The following POLRMT variants were observed in gnomAD, a reference collection of about 807,000 sequenced individuals.
POLRMT encodes the protein DNA-directed RNA polymerase, mitochondrial.
A neutral mutation model predicts 132.2 loss-of-function variants in POLRMT; 114 were observed. The observed-to-expected ratio is 0.86, with a 90% CI of 0.74 to 1.01. The LOEUF is 1.01. Among genes scored for constraint, POLRMT ranks in the 50% least tolerant of loss-of-function variants. The probability of loss-of-function intolerance (pLI) is 0.00; values close to 1 mark genes in which losing one functional copy is unlikely to be tolerated. For missense variants in POLRMT, 2,003 were observed against 1,729.1 expected, an observed-to-expected ratio of 1.16 and a Z score of -2.81; for synonymous variants, 1,020 against 773.4, an observed-to-expected ratio of 1.32 and a Z score of -5.29.
intron 2 of POLRMT, among the ~76,000 whole-genome samples, chr19:631,707 G>A (rs1305490909): frequency 5.9e-5 from 9 of 152,158 alleles, no homozygotes; most frequent in Middle Eastern, 3.2e-3. Context: ...CAAAACTCAG[G>A]AGATACTTTT....
chr19:618,868 G>C (rs1392643967), intron 15 of POLRMT, 108 bp from the exon 16 acceptor site: 1 of 1,395,474 alleles, frequency 7.2e-7, no homozygotes, highest in African/African-American at 1.4e-5. Context: ...GTGGCACACT[G>C]GCGCGGGATG....
chr19:620,498 A>T lies in POLRMT; in HGVS notation c.2641-11T>A. Reference sequence around the variant, plus strand: ...CCACCACTTTCGGCCCTGCGGGGACAGCGGATGGGGGGCAGTGAGGCCCGG... The same window carrying T: ...CCACCACTTTCGGCCCTGCGGGGACTGCGGATGGGGGGCAGTGAGGCCCGG... On this transcript the variant is annotated splice_polypyrimidine_tract_variant and intron_variant, in intron 10 of 20. Transcript: ENST00000588649. 1 of 1,566,200 alleles carries T rather than the reference A, an allele frequency of 6.4e-7. No homozygotes were observed. The highest frequency in any genetic ancestry group is 1.7e-4 in the Middle Eastern group (1 of 5,872).
chr19:618,632 T>C, intron 16 of POLRMT, 46 bp from the exon 17 acceptor site: 1 of 1,598,456 alleles, frequency 6.3e-7, no homozygotes, highest in Middle Eastern at 1.7e-4. Flanking sequence ...GGGACACCCC[T>C]AACTGGCCGC....
chr19:623,517 G>A lies in POLRMT; in HGVS notation c.1227C>T (p.Ala409=), dbSNP rs761226464. The change falls in exon 6 of 21, where the codon GCC becomes GCT. Residue 409 remains alanine, a synonymous_variant. Coordinates refer to ENST00000588649, the MANE Select transcript of POLRMT (RefSeq NM_005035.4). ...LFEKQLHMEL[A]SRVCVVSVEK... ...CCACGGACACCACGCACACCCTGCT[G>A]GCCAGCTCCATGTGGAGCTGCTTCT... 5.0e-6 allele frequency: 8 copies of A among 1,613,360 alleles called. No homozygotes were observed. Among genetic ancestry groups the A allele is most frequent in the East Asian group, 4.5e-5 (2 of 44,876 alleles).
chr19:617,660 G>A lies in POLRMT; in HGVS notation c.3496-5C>T. The A allele has an allele frequency of 1.9e-6, 3 of 1,612,506 alleles. No individual in the cohort carries two copies. Among genetic ancestry groups the A allele is most frequent in the Non-Finnish European group, 2.5e-6 (3 of 1,179,966 alleles). On this transcript the variant is annotated splice_region_variant and splice_polypyrimidine_tract_variant and intron_variant, in intron 18 of 20. Coordinates refer to ENST00000588649, the MANE Select transcript of POLRMT (RefSeq NM_005035.4). Reference sequence around the variant, plus strand: ...GACAAACTGCTCCCGGCACACCTGGGCAGGAGTCAGAGGATCCCCAGGGGT... The same window carrying A: ...GACAAACTGCTCCCGGCACACCTGGACAGGAGTCAGAGGATCCCCAGGGGT...
chr19:618,400 G>T, intron 17 of POLRMT, 88 bp downstream of exon 17: 2 of 1,065,454 alleles, frequency 1.9e-6, no homozygotes, highest in Non-Finnish European at 2.7e-6. Context: ...CCTGCCCCCA[G>T]CTAGACCCAG....
At position 632,944 on chromosome 19, in the gene POLRMT, G is replaced by A. The variant is rs1258087757; in HGVS notation, c.89-6C>T. The A allele has an allele frequency of 2.7e-6, 4 of 1,496,788 alleles. No homozygotes were observed. The South Asian group carries it at 3.7e-5, about 14-fold the overall frequency. 92.7% of individuals were successfully genotyped at this position (1,496,788 alleles called of 1,614,324 possible). A position where few individuals can be genotyped will look rare whatever the true frequency, so the allele number is the denominator to read the frequency against. ...GCAGACGCCACCGGCGGTCCCTGCG[G>A]GAAAGACGAGAGCGGCTGAGCGGGG... On this transcript the variant is annotated splice_region_variant and splice_polypyrimidine_tract_variant and intron_variant, in intron 1 of 20. Transcript: ENST00000588649.
chr19:622,859 G>C lies in POLRMT; in HGVS notation c.1417C>G (p.Leu473Val), dbSNP rs1984734534. 2 of 1,607,438 alleles carry C rather than the reference G, an allele frequency of 1.2e-6. No homozygotes were observed. Among genetic ancestry groups the C allele is most frequent in the East Asian group, 4.5e-5 (2 of 44,628 alleles). The change falls in exon 7 of 21, where the codon CTG becomes GTG. Residue 473 changes from leucine (L) to valine (V), a missense_variant. Transcript: ENST00000588649. ...GRFSLYPFLC[L>V]LDEREVVRML... ...CGCACCACCTCGCGCTCGTCCAGCAGGCACAGGAAGGGGTAAAGTGAGAAC... is the reference window on the plus strand; with the variant it reads ...CGCACCACCTCGCGCTCGTCCAGCACGCACAGGAAGGGGTAAAGTGAGAAC...
intron 1 of POLRMT, 68 bp downstream of exon 1, chr19:633,357 C>T (rs116238482): frequency 0.022 from 30,320 of 1,394,818 alleles, 1,803 homozygotes; most frequent in African/African-American, 0.17. Flanking sequence ...GCGCCAAAGG[C>T]CCCGGCCGCG....
chr19:621,568 G>C lies in POLRMT; in HGVS notation c.2130C>G (p.Asn710Lys), dbSNP rs761550484. Residue 710 changes from asparagine (N) to lysine (K), a missense_variant, in exon 10 of 21, where the codon AAC (asparagine) becomes AAG (lysine). By Grantham distance (94) the Asn-to-Lys change is moderately conservative. Transcript: ENST00000588649. Reference protein sequence around the residue: ...TQLGNCAWRVNGRVLDLVLQL... With the variant: ...TQLGNCAWRVKGRVLDLVLQL... ...GCAGCACCAGGTCCAGCACGCGCCC[G>C]TTGACGCGCCAGGCGCAGTTGCCCA... The C allele has an allele frequency of 6.9e-7, 1 of 1,455,236 alleles. No homozygotes were observed. Among genetic ancestry groups the C allele is most frequent in the Non-Finnish European group, 9.0e-7 (1 of 1,107,662 alleles). The allele number at this position is 1,455,236 out of a possible 1,614,324, so 90.1% of individuals were successfully genotyped here.
Position 621,953 on chromosome 19 carries a change from A to G in POLRMT, c.1852-107T>C, listed in dbSNP as rs1367040006. On this transcript the variant is annotated intron_variant, in intron 9 of 20. Coordinates refer to ENST00000588649, the MANE Select transcript of POLRMT (RefSeq NM_005035.4). Reference sequence around the variant, plus strand: ...CCGGCTCCCCGGCCAACAAGAAACCAGTGTGGCCTCCCACGAACAGAAGCC... The same window carrying G: ...CCGGCTCCCCGGCCAACAAGAAACCGGTGTGGCCTCCCACGAACAGAAGCC... 8.8e-6 allele frequency: 12 copies of G among 1,368,312 alleles called. No homozygotes were observed. In the African/African-American group the frequency reaches 1.7e-4, roughly 20 times the overall value. 84.8% of individuals were successfully genotyped at this position (1,368,312 alleles called of 1,614,324 possible).
At chr19:620,869 C>T (rs1425674241) in intron 10 of POLRMT, among the ~76,000 whole-genome samples, 189 bp downstream of exon 10, 1 of 74,932 alleles carries the variant, frequency 1.3e-5, no homozygotes, top group Non-Finnish European at 2.7e-5. Context: ...GGGAGGAGAG[C>T]GGGCGGGGGA....
chr19:630,145 G>A lies in POLRMT; in HGVS notation c.217C>T (p.Leu73=), dbSNP rs1261312469. 1 of 1,602,830 alleles carries A rather than the reference G, an allele frequency of 6.2e-7. No individual in the cohort carries two copies. The highest frequency in any genetic ancestry group is 1.3e-5 in the African/African-American group (1 of 74,762). ...ACCTCCGACACGCTCTCAGCCTGCA[G>A]CTGCCGCACCCGCGCCTGGAGCACT... The part of the protein sequence containing the change: ...LEVLQARVRQ[L]QAESVSEVVV... The change falls in exon 3 of 21, where the codon CTG becomes TTG. Residue 73 remains leucine (L), a synonymous_variant. Transcript: ENST00000588649.
chr19:618,370 C>G (rs780737789), intron 17 of POLRMT, 118 bp downstream of exon 17: 38 of 767,800 alleles, frequency 4.9e-5, no homozygotes, highest in Non-Finnish European at 7.1e-5. Flanking sequence ...ACAGACACAG[C>G]AGATCCACTC....
chr19:621,727 C>T lies in POLRMT; in HGVS notation c.1971G>A (p.Ser657=), dbSNP rs368064302. The part of the protein sequence containing the change: ...PMLCPPLPWT[S]PHSGAFLLSP... The stretch of plus-strand genomic sequence containing the variant: ...TGAGCAGGAAAGCACCAGAGTGCGG[C>T]GATGTCCAGGGCAGCGGGGGGCAAA... Residue 657 remains serine (S), a synonymous_variant, in exon 10 of 21, where the codon TCG becomes TCA. Coordinates refer to ENST00000588649, the MANE Select transcript of POLRMT (RefSeq NM_005035.4). The T allele has an allele frequency of 4.4e-6, 7 of 1,597,950 alleles. No individual in the cohort carries two copies. Among genetic ancestry groups the T allele is most frequent in the South Asian group, 1.1e-5 (1 of 90,694 alleles).
At position 633,445 on chromosome 19, in the gene POLRMT, G is replaced by T. The variant is rs1279239390; in HGVS notation, c.68C>A (p.Pro23Gln). 3 of 1,556,118 alleles carry T rather than the reference G, an allele frequency of 1.9e-6. No individual in the cohort carries two copies. Among genetic ancestry groups the T allele is most frequent in the East Asian group, 5.0e-5 (2 of 40,110 alleles). Residue 23 changes from proline (P) to glutamine (Q), a missense_variant, in exon 1 of 21, where the codon CCG becomes CAG. Coordinates refer to ENST00000588649, the MANE Select transcript of POLRMT (RefSeq NM_005035.4). ...GTTACCTTCTTTGCCGGGGAGTCCC[G>T]GGCGGCCGCAAGGCCGTAGGGCTCG... is the stretch of plus-strand genomic sequence containing the variant. ...LKRALRPCGRPGLPGKEGTAG... is the reference protein window; with the variant it reads ...LKRALRPCGRQGLPGKEGTAG...
chr19:624,562 G>A (rs1464240449), intron 5 of POLRMT, among the ~76,000 whole-genome samples, 157 bp downstream of exon 5: 2 of 152,136 alleles, frequency 1.3e-5, no homozygotes, highest in Non-Finnish European at 2.9e-5. Flanking sequence ...CCAGCTCTGG[G>A]TCCTCCCATC....
At position 625,269 on chromosome 19, in the gene POLRMT, C is replaced by G; in HGVS notation, c.823-15G>C. ...TTGAAGGCACCCTGGGAGACCAAGC[C>G]AGGGTGAGGGTCTGGGGGGATGGCC... On this transcript the variant is annotated splice_polypyrimidine_tract_variant and intron_variant, in intron 3 of 20. Transcript: ENST00000588649. 6.2e-7 allele frequency: 1 copy of G among 1,613,430 alleles called. No homozygotes were observed. The highest frequency in any genetic ancestry group is 8.5e-7 in the Non-Finnish European group (1 of 1,179,720).
At chr19:631,381 T>C (rs1208684394) in intron 2 of POLRMT, among the ~76,000 whole-genome samples, 1 of 148,372 alleles carries the variant, frequency 6.7e-6, no homozygotes, top group African/African-American at 2.5e-5. Flanking sequence ...GGCTCACGCC[T>C]GTAATCCCAG....
Sources: gnomAD v4.1 joint callset for allele counts (sites outside exome capture counted in the v4.1 genomes callset) on GRCh38, gnomAD v4.1.1 for gene constraint, MANE v1.5 for transcripts, NCBI Gene and HGNC (gene_info 2026-07-23, HGNC 2026-07-21) for gene names.